Variants in IQCM observed in about 807,000 individuals in gnomAD.
The protein encoded by IQCM is IQ motif containing M.
In IQCM, 45 loss-of-function variants were observed where a neutral mutation model predicts 57.6. The ratio of observed to expected loss-of-function variants is 0.78; its 90% CI spans 0.62 to 1.00. The LOEUF (loss-of-function observed/expected upper bound fraction) is 1.00, where lower values mean the gene tolerates loss of function less well. IQCM is among the 50% of genes least tolerant of loss of function. IQCM has a pLI of 0.00. For synonymous variants in IQCM, 148 were observed against 158.9 expected (o/e 0.93, Z 0.51); for missense variants, 468 against 511.6 (o/e 0.91, Z 0.82).
chr4:149,668,256 G>C (rs1035021916), intron 7 of IQCM, among the ~76,000 whole-genome samples: 2 of 152,178 alleles, frequency 1.3e-5, no homozygotes, highest in African/African-American at 4.8e-5. Flanking sequence ...AGCCAGAAGA[G>C]AGTGGGGGCC....
At chr4:149,600,705 C>T (rs909322664) in intron 8 of IQCM, among the ~76,000 whole-genome samples, 8 of 152,094 alleles carry the variant, frequency 5.3e-5, no homozygotes, top group African/African-American at 1.7e-4. Flanking sequence ...TTGGAGGACT[C>T]TGATGGAGAA....
intron 7 of IQCM, among the ~76,000 whole-genome samples, chr4:149,654,091 T>G (rs1759429860): frequency 6.6e-6 from 1 of 152,192 alleles, no homozygotes; most frequent in Non-Finnish European, 1.5e-5. Context: ...ACGAATATCC[T>G]CATTCCTACA....
chr4:149,457,610 C>T (rs1030520027), intron 12 of IQCM, among the ~76,000 whole-genome samples: 8 of 151,640 alleles, frequency 5.3e-5, no homozygotes, highest in African/African-American at 1.5e-4. Flanking sequence ...AAAAAAAAGA[C>T]TTATCAGAGG....
At chr4:149,711,659 C>T (rs1764567989) in intron 5 of IQCM, among the ~76,000 whole-genome samples, 3 of 151,698 alleles carry the variant, frequency 2.0e-5, no homozygotes, top group Admixed American at 2.0e-4. Context: ...GATATAAGCA[C>T]ATTTTTGAAC....
chr4:149,788,621 CA>C (rs767425205), intron 2 of IQCM, among the ~76,000 whole-genome samples: 10 of 152,074 alleles, frequency 6.6e-5, no homozygotes, highest in Non-Finnish European at 1.2e-4. Context: ...AACTATCATA[CA>C]ATCCAGAAGT....
At chr4:149,714,363 T>C (rs1277523000) in intron 5 of IQCM, among the ~76,000 whole-genome samples, 1 of 152,206 alleles carries the variant, frequency 6.6e-6, no homozygotes, top group East Asian at 1.9e-4. Flanking sequence ...CTCCCATGAT[T>C]ATATCATAGT....
chr4:149,391,351 A>G (rs997746004), intron 13 of IQCM, among the ~76,000 whole-genome samples: 1 of 151,770 alleles, frequency 6.6e-6, no homozygotes, highest in Non-Finnish European at 1.5e-5. Flanking sequence ...CCCCCCTTTT[A>G]TTCTTGAATT....
chr4:149,470,783 G>A (rs1262739648), intron 12 of IQCM, among the ~76,000 whole-genome samples: 3 of 152,136 alleles, frequency 2.0e-5, no homozygotes, highest in East Asian at 1.9e-4. Flanking sequence ...AGACCACAGT[G>A]CAATCAAACT....
intron 7 of IQCM, among the ~76,000 whole-genome samples, chr4:149,633,245 G>A (rs186982314): frequency 4.0e-5 from 6 of 151,260 alleles, no homozygotes; most frequent in Admixed American, 2.0e-4. Flanking sequence ...GAGCTAAGGC[G>A]AAGACTTTCT....
chr4:149,590,774 C>T (rs1753080556), intron 8 of IQCM, among the ~76,000 whole-genome samples: 1 of 152,074 alleles, frequency 6.6e-6, no homozygotes, highest in Non-Finnish European at 1.5e-5. Flanking sequence ...CTGCAAAGAA[C>T]ATGAGCTCAT....
chr4:149,386,888 A>G (rs544949984), intron 13 of IQCM, among the ~76,000 whole-genome samples: 1 of 152,172 alleles, frequency 6.6e-6, no homozygotes, highest in African/African-American at 2.4e-5. Context: ...AGGTTTTAAT[A>G]GGTTCAGATT....
chr4:149,379,552 T>G (rs531094156), intron 13 of IQCM, among the ~76,000 whole-genome samples: 1 of 152,322 alleles, frequency 6.6e-6, no homozygotes, highest in East Asian at 1.9e-4. Context: ...GCATGAGGCC[T>G]TTAGCCCCTT....
At chr4:149,688,143 A>G (rs1762682683) in intron 5 of IQCM, among the ~76,000 whole-genome samples, 1 of 152,024 alleles carries the variant, frequency 6.6e-6, no homozygotes, top group South Asian at 2.1e-4. Context: ...CCAAATCTCT[A>G]AAGAGGAAGT....
At chr4:149,756,554 C>A (rs964629657) in intron 2 of IQCM, among the ~76,000 whole-genome samples, 4 of 151,902 alleles carry the variant, frequency 2.6e-5, no homozygotes, top group Non-Finnish European at 4.4e-5. Flanking sequence ...AGAAAATGAA[C>A]CCAAAAGAAT....
chr4:149,537,065 A>C (rs1747370235), intron 12 of IQCM, among the ~76,000 whole-genome samples: 1 of 152,070 alleles, frequency 6.6e-6, no homozygotes, highest in Admixed American at 6.6e-5. Context: ...AAAATGAGAC[A>C]TGCCAAGAAA....
chr4:149,693,040 C>G (rs1311409449), intron 5 of IQCM, among the ~76,000 whole-genome samples: 3 of 152,110 alleles, frequency 2.0e-5, no homozygotes, highest in African/African-American at 7.2e-5. Context: ...AACTCCCAAC[C>G]AAAAGACTCT....
intron 12 of IQCM, among the ~76,000 whole-genome samples, chr4:149,499,377 AAAC>A (rs1743006187): frequency 6.6e-6 from 1 of 152,226 alleles, no homozygotes; most frequent in South Asian, 2.1e-4. Context: ...TTTCTCAAGA[AAAC>A]AATACTTTTT....
At chr4:149,762,493 C>G (rs150597913) in intron 2 of IQCM, among the ~76,000 whole-genome samples, 177 of 152,024 alleles carry the variant, frequency 1.2e-3, no homozygotes, top group African/African-American at 3.9e-3. Context: ...ATGAACAGAA[C>G]AAGATCACAT....
chr4:149,442,953 CAGAG>C (rs56890715), intron 12 of IQCM, among the ~76,000 whole-genome samples: 7,904 of 97,576 alleles, frequency 0.081, 246 homozygotes, highest in African/African-American at 0.12. Flanking sequence ...CACACACACA[CAGAG>C]AGAGAGAGAG....
Sources: gnomAD v4.1 joint callset for allele counts (sites outside exome capture counted in the v4.1 genomes callset) on GRCh38, gnomAD v4.1.1 for gene constraint, MANE v1.5 for transcripts, NCBI Gene and HGNC (gene_info 2026-07-23, HGNC 2026-07-21) for gene names.